The following SUPT3H variants were observed in gnomAD, a reference collection of about 807,000 sequenced individuals.
SUPT3H encodes the protein transcription initiation protein SPT3 homolog.
Under a neutral mutation model 44.3 loss-of-function variants are expected in SUPT3H, and 44 were observed. The observed-to-expected ratio is 0.99, with a 90% CI of 0.78 to 1.28. The LOEUF is 1.28. Ranked by LOEUF, SUPT3H falls within the 50% of genes most tolerant of loss-of-function variation. The pLI, the probability that SUPT3H is intolerant of heterozygous loss-of-function variation, is 0.00. For missense variants in SUPT3H, 380 were observed against 387.1 expected, an observed-to-expected ratio of 0.98 and a Z score of 0.15; for synonymous variants, 124 against 125.6, an observed-to-expected ratio of 0.99 and a Z score of 0.09.
At chr6:45,143,535 G>C (rs562460513) in intron 2 of SUPT3H, among the ~76,000 whole-genome samples, 1 of 152,138 alleles carries the variant, frequency 6.6e-6, no homozygotes, top group East Asian at 1.9e-4. Context: ...ATCAAAATCT[G>C]GGATACAGCA....
intron 10 of SUPT3H, among the ~76,000 whole-genome samples, chr6:44,880,593 C>G (rs956386928): frequency 2.6e-5 from 4 of 152,136 alleles, no homozygotes; most frequent in African/African-American, 9.7e-5. Flanking sequence ...CAAAGATATT[C>G]CTTTAGAAGA....
chr6:45,231,235 G>A (rs1277162228), intron 2 of SUPT3H, among the ~76,000 whole-genome samples: 1 of 152,024 alleles, frequency 6.6e-6, no homozygotes, highest in Non-Finnish European at 1.5e-5. Context: ...CCTTTTGCTT[G>A]CTTCTAGGTT....
At chr6:44,972,454 G>A (rs1777719955) in intron 6 of SUPT3H, among the ~76,000 whole-genome samples, 1 of 152,148 alleles carries the variant, frequency 6.6e-6, no homozygotes, top group Admixed American at 6.5e-5. Flanking sequence ...CCTCCCAGAT[G>A]CTTTCATGGG....
At chr6:44,847,041 T>A (rs1250986592) in intron 10 of SUPT3H, among the ~76,000 whole-genome samples, 1 of 152,242 alleles carries the variant, frequency 6.6e-6, no homozygotes, top group African/African-American at 2.4e-5. Context: ...GGAAAACACA[T>A]AAATGTGATT....
chr6:45,021,962 G>A (rs908470833), intron 3 of SUPT3H, among the ~76,000 whole-genome samples: 2 of 151,818 alleles, frequency 1.3e-5, no homozygotes, highest in African/African-American at 4.8e-5. Context: ...AAAAGATGAT[G>A]TTATCTACTC....
At chr6:45,123,226 A>G (rs1562502601) in intron 2 of SUPT3H, among the ~76,000 whole-genome samples, 1 of 152,162 alleles carries the variant, frequency 6.6e-6, no homozygotes, top group East Asian at 1.9e-4. Flanking sequence ...GAACTCCAAA[A>G]TTAGTACATA....
At chr6:44,903,059 A>C (rs1447292332) in intron 10 of SUPT3H, among the ~76,000 whole-genome samples, 1 of 152,188 alleles carries the variant, frequency 6.6e-6, no homozygotes, top group Non-Finnish European at 1.5e-5. Context: ...ATAGCACTAA[A>C]TGCCCACAAG....
At chr6:45,231,285 A>G (rs1767998214) in intron 2 of SUPT3H, among the ~76,000 whole-genome samples, 1 of 152,198 alleles carries the variant, frequency 6.6e-6, no homozygotes, top group Non-Finnish European at 1.5e-5. Flanking sequence ...TAGGTGTAGT[A>G]GTGATGAATT....
chr6:44,906,381 A>T (rs1266596365), intron 10 of SUPT3H, among the ~76,000 whole-genome samples: 4 of 152,186 alleles, frequency 2.6e-5, no homozygotes, highest in Non-Finnish European at 5.9e-5. Flanking sequence ...TGGCTAAGCC[A>T]CCAAATCTAT....
At chr6:45,083,249 T>C (rs915740264) in intron 3 of SUPT3H, among the ~76,000 whole-genome samples, 1 of 151,728 alleles carries the variant, frequency 6.6e-6, no homozygotes, top group Non-Finnish European at 1.5e-5. Flanking sequence ...CGGAGTGCAG[T>C]GGCGTTATCT....
At chr6:45,197,359 G>A (rs932933726) in intron 2 of SUPT3H, among the ~76,000 whole-genome samples, 3 of 151,264 alleles carry the variant, frequency 2.0e-5, no homozygotes, top group African/African-American at 7.3e-5. Context: ...TAACTTAAAT[G>A]ATTTGAAAGA....
intron 3 of SUPT3H, among the ~76,000 whole-genome samples, chr6:45,079,880 T>C (rs1022041960): frequency 2.0e-5 from 3 of 152,202 alleles, no homozygotes; most frequent in African/African-American, 7.2e-5. Context: ...CTATAGGGCA[T>C]TGGACTGGAC....
intron 6 of SUPT3H, among the ~76,000 whole-genome samples, chr6:44,963,360 T>C (rs1776320984): frequency 6.6e-6 from 1 of 152,064 alleles, no homozygotes; most frequent in Non-Finnish European, 1.5e-5. Context: ...TAGCTGGACA[T>C]GGGTCTGTAA....
chr6:45,068,457 G>A (rs1161058474), intron 3 of SUPT3H, among the ~76,000 whole-genome samples: 2 of 150,028 alleles, frequency 1.3e-5, no homozygotes, highest in Non-Finnish European at 3.0e-5. Context: ...AAAACTTAAA[G>A]TATAATAAAA....
chr6:45,121,993 C>T (rs1003605611), intron 2 of SUPT3H, among the ~76,000 whole-genome samples: 1 of 150,984 alleles, frequency 6.6e-6, no homozygotes, highest in Admixed American at 6.6e-5. Context: ...TTCTTTAAAA[C>T]TCTGAGTAAA....
intron 2 of SUPT3H, among the ~76,000 whole-genome samples, chr6:45,330,194 A>G (rs921531511): frequency 1.3e-5 from 2 of 151,958 alleles, no homozygotes; most frequent in Non-Finnish European, 2.9e-5. Flanking sequence ...TATATACAAT[A>G]TAATAATCAC....
intron 5 of SUPT3H, among the ~76,000 whole-genome samples, chr6:45,012,593 T>C (rs1359844317): frequency 6.6e-6 from 1 of 152,138 alleles, no homozygotes; most frequent in Non-Finnish European, 1.5e-5. Flanking sequence ...CTTTAGTTAT[T>C]TGAACACATA....
intron 2 of SUPT3H, among the ~76,000 whole-genome samples, chr6:45,210,928 A>G (rs1763985250): frequency 1.3e-5 from 2 of 152,196 alleles, no homozygotes; most frequent in Non-Finnish European, 2.9e-5. Context: ...AATGGAAAAG[A>G]GAAGAAAAGG....
At chr6:45,137,687 A>C (rs1804532206) in intron 2 of SUPT3H, among the ~76,000 whole-genome samples, 1 of 151,996 alleles carries the variant, frequency 6.6e-6, no homozygotes, top group Admixed American at 6.5e-5. Context: ...TGTAAACTAA[A>C]AAATATTTAT....
Sources: gnomAD v4.1 joint callset for allele counts (sites outside exome capture counted in the v4.1 genomes callset) on GRCh38, gnomAD v4.1.1 for gene constraint, MANE v1.5 for transcripts, NCBI Gene and HGNC (gene_info 2026-07-23, HGNC 2026-07-21) for gene names.